The following DLG2 variants were observed in gnomAD, a reference collection of about 807,000 sequenced individuals.
The protein encoded by DLG2 is discs large MAGUK scaffold protein 2.
Under a neutral mutation model 132.5 loss-of-function variants are expected in DLG2, and 45 were observed. That is an observed-to-expected ratio of 0.34 (90% CI 0.27 to 0.44). DLG2 has a LOEUF of 0.44. DLG2 is among the 20% of genes least tolerant of loss of function. The pLI is 1.00. For synonymous variants in DLG2, 424 were observed against 419.6 expected, an observed-to-expected ratio of 1.01 and a Z score of -0.13; for missense variants, 1,045 against 1,196.9, an observed-to-expected ratio of 0.87 and a Z score of 1.87.
chr11:84,914,809 A>ACC (rs2092349732), intron 6 of DLG2, among the ~76,000 whole-genome samples: 2 of 152,188 alleles, frequency 1.3e-5, no homozygotes, highest in Non-Finnish European at 2.9e-5. Flanking sequence ...GTCCTTTCAC[A>ACC]TGTAAAAATA....
chr11:85,588,625 T>A (rs1385450757), intron 3 of DLG2, among the ~76,000 whole-genome samples: 1 of 152,178 alleles, frequency 6.6e-6, no homozygotes, highest in Non-Finnish European at 1.5e-5. Flanking sequence ...TTCCCCTTTC[T>A]CTGGTATCTC....
Position 84,744,773 on chromosome 11 carries a change from A to G in DLG2, c.358-210042T>C, listed in dbSNP as rs371414837. Among the ~76,000 whole-genome samples, 8 of 152,104 alleles carry G rather than the reference A, an allele frequency of 5.3e-5. No individual in the cohort carries two copies. In the East Asian group the frequency reaches 1.2e-3, roughly 22 times the overall value. ...ACACATTGAGAAGAAAGACAAATAA[A>G]TAAGTCTGATGGGAAGCTGTAAAGC... On this transcript the variant is annotated intron_variant, in intron 6 of 27. Coordinates refer to ENST00000376104, the MANE Select transcript of DLG2 (RefSeq NM_001142699.3).
chr11:85,351,077 T>C (rs1017676152), intron 3 of DLG2, among the ~76,000 whole-genome samples: 4 of 152,224 alleles, frequency 2.6e-5, no homozygotes, highest in African/African-American at 9.6e-5. Context: ...TGTCCTCTTT[T>C]ATTTCGTTGA....
chr11:85,125,051 C>T (rs1004229015), intron 5 of DLG2, among the ~76,000 whole-genome samples: 1 of 152,104 alleles, frequency 6.6e-6, no homozygotes, highest in East Asian at 1.9e-4. Flanking sequence ...AGGATGGTCT[C>T]GATCTCCTGA....
chr11:83,581,640 T>G (rs1351792635), intron 19 of DLG2, among the ~76,000 whole-genome samples: 1 of 152,198 alleles, frequency 6.6e-6, no homozygotes, highest in Admixed American at 6.5e-5. Flanking sequence ...CCAGCAAGAC[T>G]TGTCCCAAAT....
intron 6 of DLG2, among the ~76,000 whole-genome samples, chr11:84,552,265 T>G (rs562357638): frequency 3.2e-4 from 48 of 152,280 alleles, no homozygotes; most frequent in African/African-American, 9.4e-4. Flanking sequence ...AATTTCTCTT[T>G]CCAAACATAT....
At chr11:85,408,677 G>T (rs2089018447) in intron 3 of DLG2, among the ~76,000 whole-genome samples, 1 of 151,318 alleles carries the variant, frequency 6.6e-6, no homozygotes, top group South Asian at 2.1e-4. Flanking sequence ...ATAGTTTACT[G>T]AGAATGATGA....
chr11:84,749,483 A>G (rs947224102), intron 6 of DLG2, among the ~76,000 whole-genome samples: 3 of 152,202 alleles, frequency 2.0e-5, no homozygotes, highest in Admixed American at 2.0e-4. Flanking sequence ...GTTTAGGTAT[A>G]TAAATAACAT....
At chr11:83,941,597 T>C (rs776940363) in intron 14 of DLG2, among the ~76,000 whole-genome samples, 3 of 152,120 alleles carry the variant, frequency 2.0e-5, no homozygotes, top group Non-Finnish European at 4.4e-5. Context: ...TTTAGTCATG[T>C]TGGCCAGTCT....
intron 6 of DLG2, among the ~76,000 whole-genome samples, chr11:84,755,903 CA>C (rs1461824233): frequency 6.6e-6 from 1 of 151,964 alleles, no homozygotes; most frequent in African/African-American, 2.4e-5. Flanking sequence ...TTGTTCCCTT[CA>C]AAAGTATAAT....
At chr11:85,008,121 TTA>T (rs1402046401) in intron 6 of DLG2, among the ~76,000 whole-genome samples, 1 of 152,186 alleles carries the variant, frequency 6.6e-6, no homozygotes, top group African/African-American at 2.4e-5. Flanking sequence ...TTACATTATT[TTA>T]TGTTAGGTTT....
intron 7 of DLG2, among the ~76,000 whole-genome samples, chr11:84,477,258 G>C (rs2154492281): frequency 6.6e-6 from 1 of 152,154 alleles, no homozygotes; most frequent in East Asian, 1.9e-4. Flanking sequence ...TCTTTGGGAG[G>C]CTGAAGTGGG....
chr11:83,698,298 T>C (rs1385608523), intron 18 of DLG2, among the ~76,000 whole-genome samples: 1 of 152,312 alleles, frequency 6.6e-6, no homozygotes, highest in Non-Finnish European at 1.5e-5. Flanking sequence ...AAATGAAATA[T>C]ATAGATGATA....
intron 3 of DLG2, among the ~76,000 whole-genome samples, chr11:85,474,863 T>A (rs2093092424): frequency 6.6e-6 from 1 of 151,626 alleles, no homozygotes; most frequent in Non-Finnish European, 1.5e-5. Context: ...TTTAGAGTAG[T>A]ATTAGTAAAA....
At chr11:84,517,863 C>G (rs1200460109) in intron 7 of DLG2, among the ~76,000 whole-genome samples, 1 of 151,806 alleles carries the variant, frequency 6.6e-6, no homozygotes, top group East Asian at 1.9e-4. Flanking sequence ...ATGGATGAAC[C>G]TGAAAGACAT....
intron 7 of DLG2, among the ~76,000 whole-genome samples, chr11:84,480,991 G>A (rs1441060809): frequency 1.5e-4 from 23 of 151,788 alleles, no homozygotes; most frequent in African/African-American, 4.8e-4. Context: ...TGCCCACCTC[G>A]GCCTCCCAAA....
rs1192040988 is a variant in DLG2 at position 85,200,962 on chromosome 11, G to T, written c.187-46311C>A. Reference sequence around the variant, plus strand: ...CTCCAGCTCCTTCTGCTGCAGTTGGGAAACTAACCTGCTGGGAGACTCATG... The same window carrying T: ...CTCCAGCTCCTTCTGCTGCAGTTGGTAAACTAACCTGCTGGGAGACTCATG... On this transcript the variant is annotated intron_variant, in intron 4 of 27. Transcript: ENST00000376104. Among the ~76,000 whole-genome samples, 3 of 152,126 alleles carry T rather than the reference G, an allele frequency of 2.0e-5. No individual in the cohort carries two copies. The East Asian group carries it at 5.8e-4, about 30-fold the overall frequency.
intron 6 of DLG2, among the ~76,000 whole-genome samples, chr11:84,914,228 C>G (rs981242387): frequency 2.0e-5 from 3 of 152,090 alleles, no homozygotes. Context: ...TTGAAAGTGC[C>G]AAAGTCTACA....
At chr11:84,910,887 G>A (rs953457110) in intron 6 of DLG2, among the ~76,000 whole-genome samples, 8 of 152,190 alleles carry the variant, frequency 5.3e-5, no homozygotes, top group African/African-American at 1.7e-4. Flanking sequence ...GGAATGCAAA[G>A]TGTATTAAGT....
Sources: allele counts gnomAD v4.1 joint callset (sites outside exome capture counted in the v4.1 genomes callset), GRCh38; gene constraint gnomAD v4.1.1; transcripts MANE v1.5; gene names NCBI Gene and HGNC (gene_info 2026-07-23, HGNC 2026-07-21).